The following MAEL variants were observed in gnomAD, a reference collection of about 807,000 sequenced individuals.
MAEL encodes the protein protein maelstrom homolog.
A neutral mutation model predicts 62.0 loss-of-function variants in MAEL; 46 were observed. The observed-to-expected ratio is 0.74, with a 90% confidence interval of 0.59 to 0.95. The LOEUF (loss-of-function observed/expected upper bound fraction) is 0.95. MAEL is among the 40% of genes least tolerant of loss of function. The pLI, the probability that MAEL is intolerant of heterozygous loss-of-function variation, is 0.00. For missense variants in MAEL, 497 were observed against 526.8 expected (o/e 0.94, Z 0.55); for synonymous variants, 172 against 175.5 (o/e 0.98, Z 0.16).
intron 2 of MAEL, 126 bp downstream of exon 2, chr1:166,989,955 C>T (rs531769613): frequency 2.1e-5 from 15 of 714,648 alleles, no homozygotes; most frequent in Admixed American, 1.6e-4. Flanking sequence ...GCGAAGACGA[C>T]GTTCTTCTTT....
intron 5 of MAEL, among the ~76,000 whole-genome samples, chr1:167,002,287 G>T (rs1446660072): frequency 6.6e-6 from 1 of 152,138 alleles, no homozygotes; most frequent in Non-Finnish European, 1.5e-5. Context: ...TAGATTTTAA[G>T]ATTTTGAATT....
chr1:166,994,183 G>T, intron 5 of MAEL, 114 bp downstream of exon 5: 2 of 966,890 alleles, frequency 2.1e-6, no homozygotes, highest in Admixed American at 2.8e-5. Flanking sequence ...TTAGGTTATT[G>T]TTAGAGAATC....
intron 9 of MAEL, among the ~76,000 whole-genome samples, chr1:167,017,305 A>G (rs150611838): frequency 1.2e-3 from 180 of 152,270 alleles, no homozygotes; most frequent in Non-Finnish European, 1.9e-3. Flanking sequence ...GTGGTTTTGT[A>G]CATCATATTA....
chr1:167,004,214 T>A lies in MAEL; in HGVS notation c.558T>A (p.Phe186Leu). The stretch of plus-strand genomic sequence containing the variant: ...GTCACAAGATTCCTATTTCAAATTT[T>A]GAACGTGGGCATAACCAAGCAACTG... ...DSSHKIPISNFERGHNQATVL... is the reference protein window; with the variant it reads ...DSSHKIPISNLERGHNQATVL... Residue 186 changes from phenylalanine to leucine, a missense_variant, in exon 6 of 12, where the codon TTT becomes TTA. Coordinates refer to ENST00000367872, the MANE Select transcript of MAEL (RefSeq NM_032858.3). 1 of 1,610,052 alleles carries A rather than the reference T, an allele frequency of 6.2e-7. No individual in the cohort carries two copies. Among genetic ancestry groups the A allele is most frequent in the Non-Finnish European group, 8.5e-7 (1 of 1,178,212 alleles).
At chr1:166,996,233 A>G (rs553945995) in intron 5 of MAEL, among the ~76,000 whole-genome samples, 1 of 152,366 alleles carries the variant, frequency 6.6e-6, no homozygotes, top group East Asian at 1.9e-4. Flanking sequence ...ACAAATTTAC[A>G]TGTGGATGTG....
chr1:167,007,616 A>G (rs1434178640), intron 8 of MAEL, among the ~76,000 whole-genome samples: 2 of 151,176 alleles, frequency 1.3e-5, no homozygotes, highest in African/African-American at 4.9e-5. Context: ...CACACACTCC[A>G]TATACATCTG....
At chr1:167,002,711 A>G (rs770175334) in intron 5 of MAEL, among the ~76,000 whole-genome samples, 1 of 152,236 alleles carries the variant, frequency 6.6e-6, no homozygotes, top group Middle Eastern at 3.2e-3. Flanking sequence ...GTAATCACCA[A>G]AGGATTATTA....
At chr1:166,989,672 T>A in intron 1 of MAEL, 65 bp from the exon 2 acceptor site, 1 of 1,528,502 alleles carries the variant, frequency 6.5e-7, no homozygotes, top group South Asian at 1.2e-5. Context: ...AGCATCTGCC[T>A]GCGGGCCCTA....
chr1:166,993,316 A>C (rs898215994), intron 4 of MAEL, among the ~76,000 whole-genome samples: 2 of 152,190 alleles, frequency 1.3e-5, no homozygotes, highest in Non-Finnish European at 2.9e-5. Flanking sequence ...AATAGATGAC[A>C]AATATGGAAA....
intron 8 of MAEL, among the ~76,000 whole-genome samples, chr1:167,007,490 G>T (rs1427354002): frequency 6.6e-6 from 1 of 151,984 alleles, no homozygotes; most frequent in Non-Finnish European, 1.5e-5. Context: ...GGTGGTAGGT[G>T]TGCTCATTTC....
chr1:166,993,110 G>A (rs1664263962), intron 4 of MAEL, among the ~76,000 whole-genome samples: 1 of 152,088 alleles, frequency 6.6e-6, no homozygotes, highest in South Asian at 2.1e-4. Flanking sequence ...ACCTACCTAT[G>A]GCCTTACATC....
In MAEL at chr1:166,993,338, T is replaced by G. The variant is rs890012464; in HGVS notation, c.481+497T>G. ...GACAAATATGGAAATAGCCTAATAC[T>G]TAATCAGCTCTCAGATATTATCAGC... On this transcript the variant is annotated intron_variant, in intron 4 of 11. Transcript: ENST00000367872. 2.2e-4 allele frequency among the ~76,000 whole-genome samples: 33 copies of G among 151,790 alleles called. 1 individual carries two copies. The highest frequency in any genetic ancestry group is 7.8e-4 in the African/African-American group (32 of 41,066).
At chr1:166,995,676 TAA>T (rs200023802) in intron 5 of MAEL, among the ~76,000 whole-genome samples, 1 of 145,978 alleles carries the variant, frequency 6.9e-6, no homozygotes, top group Non-Finnish European at 1.5e-5. Context: ...AGATGGCAGT[TAA>T]AAAAAAAAAA....
At chr1:167,012,643 T>G (rs1458204156) in intron 8 of MAEL, 1 of 152,192 alleles carries the variant, frequency 6.6e-6, no homozygotes, top group Non-Finnish European at 1.5e-5. Flanking sequence ...AACAAGACAC[T>G]CTGACAGAGA....
intron 8 of MAEL, among the ~76,000 whole-genome samples, chr1:167,009,284 C>T (rs1013330664): frequency 2.0e-4 from 30 of 152,102 alleles, no homozygotes; most frequent in African/African-American, 5.3e-4. Flanking sequence ...TCCCTGTGTT[C>T]TTGCATGTTT....
chr1:166,978,571 G>A (rs1366151770), intron 1 of MAEL, among the ~76,000 whole-genome samples: 2 of 152,110 alleles, frequency 1.3e-5, no homozygotes, highest in Non-Finnish European at 2.9e-5. Flanking sequence ...CAGATTCACA[G>A]GCTCTACTAA....
chr1:167,021,063 G>A, intron 10 of MAEL, 22 bp from the exon 11 acceptor site: 1 of 1,550,454 alleles, frequency 6.4e-7, no homozygotes, highest in Non-Finnish European at 8.9e-7. Context: ...TTTTCCCCCT[G>A]GTATTTTCCT....
chr1:167,005,187 T>G, intron 7 of MAEL, 57 bp downstream of exon 7: 2 of 1,610,306 alleles, frequency 1.2e-6, no homozygotes, highest in African/African-American at 2.7e-5. Flanking sequence ...CTGTATTTGT[T>G]TCCACTTTGA....
intron 2 of MAEL, 106 bp from the exon 3 acceptor site, chr1:166,991,272 C>T: frequency 7.2e-6 from 5 of 694,774 alleles, no homozygotes; most frequent in Middle Eastern, 3.9e-4. Flanking sequence ...ATTCATTGAC[C>T]TTGGTAATCT....
Sources: allele counts gnomAD v4.1 joint callset (sites outside exome capture counted in the v4.1 genomes callset), GRCh38; gene constraint gnomAD v4.1.1; transcripts MANE v1.5; gene names NCBI Gene and HGNC (gene_info 2026-07-23, HGNC 2026-07-21).